EFCAB6: variants seen among roughly 807,000 people sequenced by gnomAD.
EFCAB6 encodes EF-hand calcium binding domain 6.
Under a neutral mutation model 169.8 loss-of-function variants are expected in EFCAB6, and 156 were observed. That is an observed-to-expected ratio of 0.92 (90% confidence interval 0.81 to 1.05). The LOEUF (loss-of-function observed/expected upper bound fraction) is 1.05, where lower values mean the gene tolerates loss of function less well. EFCAB6 is among the 50% of genes least tolerant of loss of function. The pLI is 0.00. For synonymous variants in EFCAB6, 698 were observed against 676.4 expected (o/e 1.03, Z -0.50); for missense variants, 1,800 against 1,829.1 (o/e 0.98, Z 0.29).
At chr22:43,590,408 T>A (rs1569210105) in intron 23 of EFCAB6, among the ~76,000 whole-genome samples, 179 bp from the exon 24 acceptor site, 1 of 151,772 alleles carries the variant, frequency 6.6e-6, no homozygotes, top group African/African-American at 2.4e-5. Context: ...AGAAATATTA[T>A]GTCTGTATCA....
intron 26 of EFCAB6, among the ~76,000 whole-genome samples, chr22:43,573,157 TGA>T (rs1044468406): frequency 1.3e-5 from 2 of 152,116 alleles, no homozygotes; most frequent in African/African-American, 4.8e-5. Context: ...AGAATATTAT[TGA>T]GAGACAGGAA....
intron 27 of EFCAB6, 25 bp downstream of exon 27, chr22:43,554,844 G>T (rs377744942): frequency 4.4e-6 from 7 of 1,603,806 alleles, no homozygotes; most frequent in Non-Finnish European, 6.0e-6. Flanking sequence ...GGTGTGCAGG[G>T]TGAGGACTGA....
chr22:43,777,729 G>T (rs2061685744), intron 3 of EFCAB6, among the ~76,000 whole-genome samples: 1 of 152,130 alleles, frequency 6.6e-6, no homozygotes, highest in South Asian at 2.1e-4. Flanking sequence ...TGCTTTCTTA[G>T]AAGCCCCACC....
chr22:43,627,133 G>A (rs1264916886), intron 19 of EFCAB6, among the ~76,000 whole-genome samples: 1 of 152,164 alleles, frequency 6.6e-6, no homozygotes, highest in Non-Finnish European at 1.5e-5. Context: ...TGAAGGCCAG[G>A]CCTCTGTTTC....
At chr22:43,631,294 C>T (rs902222070) in intron 19 of EFCAB6, among the ~76,000 whole-genome samples, 1 of 151,940 alleles carries the variant, frequency 6.6e-6, no homozygotes, top group Non-Finnish European at 1.5e-5. Flanking sequence ...TATTCACCCT[C>T]TTTTACTTCT....
In EFCAB6 at chr22:43,580,554, G is replaced by A. The variant is rs1402132835; in HGVS notation, c.3138C>T (p.Ser1046=). The A allele has an allele frequency of 2.5e-6, 4 of 1,614,152 alleles. No individual in the cohort carries two copies. The highest frequency in any genetic ancestry group is 3.4e-6 in the Non-Finnish European group (4 of 1,180,034). Residue 1046 remains serine, a synonymous_variant, in exon 25 of 32, where the codon AGC becomes AGT. Transcript: ENST00000262726. ...TGAQPKEKEE[S]MPINFATLNP... ...TCAGCGTTGCAAAATTGATTGGCAT[G>A]CTCTCTTCTTTTTCCTTGGGCTGAG...
At chr22:43,557,523 G>C (rs1200432936) in intron 26 of EFCAB6, among the ~76,000 whole-genome samples, 1 of 152,096 alleles carries the variant, frequency 6.6e-6, no homozygotes, top group African/African-American at 2.4e-5. Context: ...AAATGAAAAA[G>C]GCTGTTAAAA....
chr22:43,688,022 T>G (rs1003465760), intron 10 of EFCAB6, among the ~76,000 whole-genome samples: 1 of 152,182 alleles, frequency 6.6e-6, no homozygotes, highest in African/African-American at 2.4e-5. Context: ...GATCTGGAGA[T>G]GGAGCAACTC....
chr22:43,666,849 C>G (rs542128666), intron 17 of EFCAB6, among the ~76,000 whole-genome samples: 1 of 152,014 alleles, frequency 6.6e-6, no homozygotes, highest in East Asian at 1.9e-4. Flanking sequence ...ATAGCCAAAC[C>G]GCATCAATAA....
At chr22:43,732,381 G>T (rs987774352) in intron 7 of EFCAB6, among the ~76,000 whole-genome samples, 1 of 151,558 alleles carries the variant, frequency 6.6e-6, no homozygotes, top group Non-Finnish European at 1.5e-5. Flanking sequence ...AGTTTCTCTT[G>T]AAGCATTTCG....
At chr22:43,651,846 TG>T (rs913288518) in intron 17 of EFCAB6, among the ~76,000 whole-genome samples, 4 of 152,236 alleles carry the variant, frequency 2.6e-5, no homozygotes, top group Admixed American at 2.6e-4. Flanking sequence ...CAGACTTGCA[TG>T]GGGCCTGTAG....
intron 8 of EFCAB6, among the ~76,000 whole-genome samples, chr22:43,718,063 C>CCCATCCATCCAT (rs71188406): frequency 0.015 from 1,917 of 131,996 alleles, 31 homozygotes; most frequent in Middle Eastern, 0.034. Flanking sequence ...CATCCATCCA[C>CCCATCCATCCAT]CCATCCATCC....
intron 3 of EFCAB6, among the ~76,000 whole-genome samples, chr22:43,776,292 T>C (rs546537360): frequency 1.5e-3 from 222 of 152,342 alleles, no homozygotes; most frequent in Non-Finnish European, 2.5e-3. Flanking sequence ...ATTGATTCAT[T>C]CGAAAAATGT....
chr22:43,689,796 C>T (rs1470391663), intron 10 of EFCAB6, among the ~76,000 whole-genome samples: 1 of 152,198 alleles, frequency 6.6e-6, no homozygotes, highest in African/African-American at 2.4e-5. Context: ...GTAACAGGCC[C>T]TAACAGGGAG....
At chr22:43,756,644 G>C (rs2060968775) in intron 5 of EFCAB6, among the ~76,000 whole-genome samples, 1 of 152,112 alleles carries the variant, frequency 6.6e-6, no homozygotes, top group Non-Finnish European at 1.5e-5. Context: ...TGCCTGTACT[G>C]GTGACAGTGA....
rs183713730 is a variant in EFCAB6, at chr22:43,765,314, C to A, written c.431G>T (p.Gly144Val). 2 of 1,610,940 alleles carry A rather than the reference C, an allele frequency of 1.2e-6. No individual in the cohort carries two copies. Among genetic ancestry groups the A allele is most frequent in the Non-Finnish European group, 1.7e-6 (2 of 1,177,876 alleles). ...RFGGIDLYIN[G>V]IKRGGGNEMN... is the part of the protein sequence containing the mutation. ...CAAACCAAACACTTACCTCTTTATA[C>A]CATTTATATATAGGTCAATTCCACC... The change falls in exon 5 of 32, where the codon GGT (glycine) becomes GTT (valine). Residue 144 changes from glycine (G) to valine (V), a missense_variant. Gly to Val is a moderately radical substitution (Grantham distance 109). Coordinates refer to ENST00000262726, the MANE Select transcript of EFCAB6 (RefSeq NM_022785.4).
chr22:43,540,690 A>C, intron 27 of EFCAB6: 1 of 744,324 alleles, frequency 1.3e-6, no homozygotes, highest in Non-Finnish European at 1.9e-6. Context: ...ATTTGGGAGA[A>C]AATGCAAATC....
chr22:43,741,040 T>C (rs537337414), intron 6 of EFCAB6, among the ~76,000 whole-genome samples: 9 of 152,284 alleles, frequency 5.9e-5, no homozygotes, highest in South Asian at 2.1e-4. Flanking sequence ...GGCTGAAGAA[T>C]TGAGCTGCAG....
At chr22:43,569,514 C>T (rs2049693674) in intron 26 of EFCAB6, among the ~76,000 whole-genome samples, 2 of 152,234 alleles carry the variant, frequency 1.3e-5, no homozygotes, top group Admixed American at 6.5e-5. Context: ...AGCTCAAAGC[C>T]TGAGGAGGAG....
Sources: gnomAD v4.1 joint callset for allele counts (sites outside exome capture counted in the v4.1 genomes callset) on GRCh38, gnomAD v4.1.1 for gene constraint, MANE v1.5 for transcripts, NCBI Gene and HGNC (gene_info 2026-07-23, HGNC 2026-07-21) for gene names.